KCNH7: variants seen among roughly 807,000 people sequenced by gnomAD.
KCNH7 encodes potassium voltage-gated channel subfamily H member 7, also known as voltage-gated inwardly rectifying potassium channel KCNH7.
In KCNH7, 49 loss-of-function variants were observed where a neutral mutation model predicts 120.8. The ratio of observed to expected loss-of-function variants is 0.41; its 90% CI spans 0.32 to 0.51. The LOEUF (loss-of-function observed/expected upper bound fraction) is 0.51, where lower values mean the gene tolerates loss of function less well. Ranked by LOEUF, KCNH7 falls within the 20% of genes least tolerant of loss-of-function variation. KCNH7 has a pLI of 0.38. For synonymous variants in KCNH7, 547 were observed against 516.1 expected, an observed-to-expected ratio of 1.06 and a Z score of -0.81; for missense variants, 1,097 against 1,446.6, an observed-to-expected ratio of 0.76 and a Z score of 3.92.
intron 2 of KCNH7, among the ~76,000 whole-genome samples, chr2:162,805,891 C>A (rs1337420643): frequency 1.3e-5 from 2 of 152,124 alleles, no homozygotes; most frequent in Admixed American, 6.6e-5. Context: ...GCACAGAATA[C>A]TACTCAGACA....
chr2:162,612,488 T>C (rs1683002207), intron 2 of KCNH7, among the ~76,000 whole-genome samples: 1 of 152,156 alleles, frequency 6.6e-6, no homozygotes, highest in Non-Finnish European at 1.5e-5. Context: ...ATTTGAACTC[T>C]CTAGGTGGTC....
intron 2 of KCNH7, among the ~76,000 whole-genome samples, chr2:162,737,004 T>A (rs968488895): frequency 6.6e-6 from 1 of 152,112 alleles, no homozygotes; most frequent in Non-Finnish European, 1.5e-5. Flanking sequence ...GTAAGGACTA[T>A]GGTTCTGGAA....
rs149107275 is a variant in KCNH7, at chr2:162,413,305, T to A, written c.2154+10031A>T. ...CACCACGACCAGCTAATTTTTGTAT[T>A]TTTAGTACATGGGGTTTCACCACGT... On this transcript the variant is annotated intron_variant, in intron 9 of 15. Coordinates refer to ENST00000332142, the MANE Select transcript of KCNH7 (RefSeq NM_033272.4). 8.7e-3 allele frequency among the ~76,000 whole-genome samples: 1,325 copies of A among 152,118 alleles called. 8 individuals are homozygous for A. Among genetic ancestry groups the A allele is most frequent in the Middle Eastern group, 0.014 (4 of 294 alleles).
At chr2:162,808,192 T>C (rs1169967682) in intron 2 of KCNH7, among the ~76,000 whole-genome samples, 1 of 152,252 alleles carries the variant, frequency 6.6e-6, no homozygotes, top group Non-Finnish European at 1.5e-5. Context: ...TGTAATGCTA[T>C]GTAAATAGTT....
In KCNH7 at chr2:162,626,604, C is replaced by A. The variant is rs188245933; in HGVS notation, c.308-89524G>T. On this transcript the variant is annotated intron_variant, in intron 2 of 15. Transcript: ENST00000332142. ...ATTGGACGCTGTAACAAAACAAATT[C>A]AGTCATAAAATCTGAGCCAATTTAT... Among the ~76,000 whole-genome samples the A allele has an allele frequency of 1.4e-4, 22 of 152,178 alleles. No individual in the cohort carries two copies. The East Asian group carries it at 4.1e-3, about 28-fold the overall frequency.
At chr2:162,407,528 C>T (rs1269425301) in intron 9 of KCNH7, among the ~76,000 whole-genome samples, 1 of 151,892 alleles carries the variant, frequency 6.6e-6, no homozygotes, top group East Asian at 1.9e-4. Context: ...TCCTTGTTAC[C>T]CAGGCTCTGG....
chr2:162,566,371 A>G (rs1181988259), intron 2 of KCNH7, among the ~76,000 whole-genome samples: 2 of 152,012 alleles, frequency 1.3e-5, no homozygotes, highest in Non-Finnish European at 1.5e-5. Flanking sequence ...AGTGTTCAAT[A>G]AATGCTTTGT....
At chr2:162,529,972 T>C (rs961222078) in intron 3 of KCNH7, among the ~76,000 whole-genome samples, 2 of 151,956 alleles carry the variant, frequency 1.3e-5, no homozygotes, top group African/African-American at 4.8e-5. Context: ...TAACACTTTC[T>C]TCTGTATTTG....
chr2:162,744,362 C>A (rs1435364377), intron 2 of KCNH7, among the ~76,000 whole-genome samples: 1 of 151,966 alleles, frequency 6.6e-6, no homozygotes, highest in Non-Finnish European at 1.5e-5. Flanking sequence ...TCAATAAAAC[C>A]TTTTAAGATT....
intron 2 of KCNH7, among the ~76,000 whole-genome samples, chr2:162,737,500 A>G (rs771911769): frequency 2.0e-5 from 3 of 152,134 alleles, no homozygotes; most frequent in East Asian, 1.9e-4. Context: ...TGCAAGATAA[A>G]ATATAGAACT....
At position 162,396,961 on chromosome 2, in the gene KCNH7, G is replaced by A. The variant is rs1272664994; in HGVS notation, c.2408-16C>T. ...TCATTTTTTCCTAAGAAAATATAAAGAAAAAGAGGCGGGGAAAGGGAATCC... is the reference window on the plus strand; with the variant it reads ...TCATTTTTTCCTAAGAAAATATAAAAAAAAAGAGGCGGGGAAAGGGAATCC... On this transcript the variant is annotated splice_polypyrimidine_tract_variant and intron_variant, in intron 10 of 15. Coordinates refer to ENST00000332142, the MANE Select transcript of KCNH7 (RefSeq NM_033272.4). 1 of 1,552,760 alleles carries A rather than the reference G, an allele frequency of 6.4e-7. No individual in the cohort carries two copies. Among genetic ancestry groups the A allele is most frequent in the African/African-American group, 1.4e-5 (1 of 73,250 alleles).
rs993172495 is a variant in KCNH7, at chr2:162,737,082, T to A, written c.307+99455A>T. ...AAAAAAGACTGAGATTTTGATCTTC[T>A]CCTAAACTCTAAGAGGATCATGTGT... On this transcript the variant is annotated intron_variant, in intron 2 of 15. Transcript: ENST00000332142. Among the ~76,000 whole-genome samples the A allele has an allele frequency of 2.6e-5, 4 of 152,268 alleles. No individual in the cohort carries two copies. In the South Asian group the frequency reaches 8.3e-4, roughly 32 times the overall value.
At chr2:162,539,148 A>T (rs1312508931) in intron 2 of KCNH7, among the ~76,000 whole-genome samples, 1 of 152,142 alleles carries the variant, frequency 6.6e-6, no homozygotes, top group Admixed American at 6.6e-5. Context: ...GTAAACAGAA[A>T]ATAAGCAATT....
At chr2:162,381,493 A>G (rs1464217920) in intron 13 of KCNH7, among the ~76,000 whole-genome samples, 1 of 152,090 alleles carries the variant, frequency 6.6e-6, no homozygotes, top group Non-Finnish European at 1.5e-5. Context: ...CCTCTCACTC[A>G]TTATCTTTTA....
At chr2:162,756,758 T>C (rs1021001633) in intron 2 of KCNH7, among the ~76,000 whole-genome samples, 3 of 152,182 alleles carry the variant, frequency 2.0e-5, no homozygotes, top group Non-Finnish European at 4.4e-5. Context: ...CCACTGTGCC[T>C]GGCCCTGAAA....
intron 2 of KCNH7, among the ~76,000 whole-genome samples, chr2:162,655,085 ATAAT>A (rs1684699380): frequency 6.6e-6 from 1 of 152,192 alleles, no homozygotes; most frequent in Non-Finnish European, 1.5e-5. Flanking sequence ...ACAGTTAATA[ATAAT>A]TTATTTTATT....
chr2:162,426,913 T>C lies in KCNH7; in HGVS notation c.1955-3378A>G, dbSNP rs566728173. Among the ~76,000 whole-genome samples, 4 of 152,230 alleles carry C rather than the reference T, an allele frequency of 2.6e-5. No homozygotes were observed. The East Asian group carries it at 7.7e-4, about 29-fold the overall frequency. On this transcript the variant is annotated intron_variant, in intron 8 of 15. Coordinates refer to ENST00000332142, the MANE Select transcript of KCNH7 (RefSeq NM_033272.4). ...TAGACAACCACCGAGCTCCTTTATG[T>C]CATTACAGATTAGTTTGCATTTTCT... is the stretch of plus-strand genomic sequence containing the variant.
At chr2:162,704,075 A>G (rs1463382307) in intron 2 of KCNH7, among the ~76,000 whole-genome samples, 1 of 152,178 alleles carries the variant, frequency 6.6e-6, no homozygotes, top group Non-Finnish European at 1.5e-5. Flanking sequence ...AGTGAAAACT[A>G]TAATATTAGC....
Position 162,720,495 on chromosome 2 carries a change from C to T in KCNH7, c.307+116042G>A, listed in dbSNP as rs78712588. Among the ~76,000 whole-genome samples the T allele has an allele frequency of 3.5e-3, 528 of 151,964 alleles. 2 individuals are homozygous for T. The highest frequency in any genetic ancestry group is 0.01 in the Middle Eastern group (3 of 294). On this transcript the variant is annotated intron_variant, in intron 2 of 15. Coordinates refer to ENST00000332142, the MANE Select transcript of KCNH7 (RefSeq NM_033272.4). ...ACCAGCTCTATTTTTAAAAAATCTA[C>T]ATATGTATATCCATTTATACATATG...
Sources: gnomAD v4.1 joint callset for allele counts (sites outside exome capture counted in the v4.1 genomes callset) on GRCh38, gnomAD v4.1.1 for gene constraint, MANE v1.5 for transcripts, NCBI Gene and HGNC (gene_info 2026-07-23, HGNC 2026-07-21) for gene names.